The following IKZF3 variants were observed in gnomAD, a reference collection of about 807,000 sequenced individuals.
IKZF3 encodes zinc finger protein Aiolos.
In IKZF3, 10 loss-of-function variants were observed where a neutral mutation model predicts 49.0. That is an observed-to-expected ratio of 0.20 (90% CI 0.13 to 0.35). The LOEUF (loss-of-function observed/expected upper bound fraction) is 0.35. Among genes scored for constraint, IKZF3 ranks in the 10% least tolerant of loss-of-function variants. The pLI, the probability that IKZF3 is intolerant of heterozygous loss-of-function variation, is 1.00. For synonymous variants in IKZF3, 209 were observed against 228.2 expected, an observed-to-expected ratio of 0.92 and a Z score of 0.76; for missense variants, 498 against 664.8, an observed-to-expected ratio of 0.75 and a Z score of 2.76.
At chr17:39,839,854 C>T (rs2062414057) in intron 1 of IKZF3, among the ~76,000 whole-genome samples, 1 of 152,128 alleles carries the variant, frequency 6.6e-6, no homozygotes, top group Admixed American at 6.5e-5. Flanking sequence ...GAGTGGGGGT[C>T]TCGCCATGTT....
intron 3 of IKZF3, among the ~76,000 whole-genome samples, chr17:39,825,041 C>T (rs1456441788): frequency 6.6e-6 from 1 of 152,158 alleles, no homozygotes; most frequent in Non-Finnish European, 1.5e-5. Context: ...TGCTGGCACT[C>T]GTTCTCTCCT....
intron 3 of IKZF3, among the ~76,000 whole-genome samples, chr17:39,813,930 T>C (rs1171171981): frequency 1.3e-5 from 2 of 152,244 alleles, no homozygotes; most frequent in African/African-American, 4.8e-5. Flanking sequence ...AGCGAGTGCC[T>C]AAGCGAGGCT....
At chr17:39,839,699 T>A (rs2062408768) in intron 1 of IKZF3, among the ~76,000 whole-genome samples, 1 of 152,092 alleles carries the variant, frequency 6.6e-6, no homozygotes, top group Non-Finnish European at 1.5e-5. Flanking sequence ...TTCTGCCTCC[T>A]GAGTAGCCGG....
At chr17:39,835,064 G>T (rs755979946) in intron 1 of IKZF3, 2 of 420,992 alleles carry the variant, frequency 4.8e-6, no homozygotes, top group Non-Finnish European at 9.2e-6. Context: ...AGCCAAAGGA[G>T]CTGGAGCCCC....
chr17:39,839,152 C>CTT (rs199888566), intron 1 of IKZF3, among the ~76,000 whole-genome samples: 1 of 145,920 alleles, frequency 6.9e-6, no homozygotes, highest in Non-Finnish European at 1.5e-5. Context: ...AATTTTTCTT[C>CTT]TTTTTTTTTT....
In IKZF3 at chr17:39,824,310, T is replaced by C. The variant is rs1357502870; in HGVS notation, c.163+5077A>G. Among the ~76,000 whole-genome samples the C allele has an allele frequency of 2.0e-5, 3 of 152,240 alleles. No individual in the cohort carries two copies. In the East Asian group the frequency reaches 5.8e-4, roughly 29 times the overall value. Reference sequence around the variant, plus strand: ...AATGGGTATATTTACCCAGTGCCTGTACCTCCATTGTATCTGGGAAGTAAC... The same window carrying C: ...AATGGGTATATTTACCCAGTGCCTGCACCTCCATTGTATCTGGGAAGTAAC... On this transcript the variant is annotated intron_variant, in intron 3 of 7. Transcript: ENST00000346872.
chr17:39,795,210 A>C (rs958020587), intron 3 of IKZF3, among the ~76,000 whole-genome samples: 5 of 152,174 alleles, frequency 3.3e-5, no homozygotes, highest in African/African-American at 1.2e-4. Flanking sequence ...TCTTAGCTTT[A>C]GTCCTTTAGG....
chr17:39,811,397 CGGAAGGAAGAAAGGAA>C (rs2061557063), intron 3 of IKZF3, among the ~76,000 whole-genome samples: 1 of 112,312 alleles, frequency 8.9e-6, no homozygotes, highest in African/African-American at 3.6e-5. Flanking sequence ...GAAGAAAGGA[CGGAAGGAAGAAAGGAA>C]GGAAGAAAAG....
At chr17:39,861,529 GC>G (rs1344915583) in intron 1 of IKZF3, among the ~76,000 whole-genome samples, 1 of 152,116 alleles carries the variant, frequency 6.6e-6, no homozygotes, top group African/African-American at 2.4e-5. Flanking sequence ...GGACGCCACG[GC>G]CTTTCTGTGG....
chr17:39,837,430 G>A (rs1160306871), intron 1 of IKZF3, among the ~76,000 whole-genome samples: 1 of 149,108 alleles, frequency 6.7e-6, no homozygotes, highest in Non-Finnish European at 1.5e-5. Context: ...AGTTTACAGG[G>A]TTTTTTTCTT....
chr17:39,834,027 T>C (rs1386893618), intron 1 of IKZF3, among the ~76,000 whole-genome samples: 1 of 152,218 alleles, frequency 6.6e-6, no homozygotes, highest in African/African-American at 2.4e-5. Context: ...GTTGGGACAG[T>C]TTCTCAGACT....
chr17:39,851,813 AAATCCATTG>A (rs2062884170), intron 1 of IKZF3, among the ~76,000 whole-genome samples: 1 of 152,202 alleles, frequency 6.6e-6, no homozygotes, highest in South Asian at 2.1e-4. Context: ...AATTTAAAGA[AAATCCATTG>A]AATACTCACA....
intron 3 of IKZF3, among the ~76,000 whole-genome samples, chr17:39,799,930 T>C (rs1313516791): frequency 6.6e-6 from 1 of 152,250 alleles, no homozygotes; most frequent in East Asian, 1.9e-4. Context: ...TCCGCTTTTA[T>C]GTAGTTGATG....
At chr17:39,818,260 G>A (rs2061722230) in intron 3 of IKZF3, among the ~76,000 whole-genome samples, 1 of 152,188 alleles carries the variant, frequency 6.6e-6, no homozygotes, top group African/African-American at 2.4e-5. Flanking sequence ...TGTGGTATAT[G>A]ACTGAATACT....
At position 39,835,763 on chromosome 17, in the gene IKZF3, A is replaced by G. The variant is rs1598157990; in HGVS notation, c.8-3612T>C. 8 of 513,734 alleles carry G rather than the reference A, an allele frequency of 1.6e-5. 1 individual carries two copies. In the East Asian group the frequency reaches 3.9e-4, roughly 25 times the overall value. 31.8% of individuals were successfully genotyped at this position (513,734 alleles called of 1,614,324 possible). A position where few individuals can be genotyped will look rare whatever the true frequency, so the allele number is the denominator to read the frequency against. ...AGCTGATCTTGTAAGCTTGCCATCC[A>G]GGTAAGACTCCATCCAGCTCCACCC... On this transcript the variant is annotated intron_variant, in intron 1 of 7. Coordinates refer to ENST00000346872, the MANE Select transcript of IKZF3 (RefSeq NM_012481.5).
intron 7 of IKZF3, 131 bp downstream of exon 7, chr17:39,777,520 A>G (rs1365716614): frequency 4.9e-6 from 3 of 608,806 alleles, no homozygotes; most frequent in Non-Finnish European, 8.6e-6. Flanking sequence ...CATGAAGAAT[A>G]AAAGTACACA....
At chr17:39,837,204 G>C (rs2062314426) in intron 1 of IKZF3, among the ~76,000 whole-genome samples, 1 of 151,766 alleles carries the variant, frequency 6.6e-6, no homozygotes, top group Non-Finnish European at 1.5e-5. Flanking sequence ...CAAAGTGTTA[G>C]GATTACAGGT....
At chr17:39,840,568 T>C (rs1003167955) in intron 1 of IKZF3, among the ~76,000 whole-genome samples, 4 of 152,248 alleles carry the variant, frequency 2.6e-5, no homozygotes, top group Non-Finnish European at 5.9e-5. Flanking sequence ...TTTAGAAAAG[T>C]ACTGATTTAA....
intron 3 of IKZF3, among the ~76,000 whole-genome samples, chr17:39,798,833 C>A (rs981062366): frequency 6.6e-6 from 1 of 152,114 alleles, no homozygotes; most frequent in African/African-American, 2.4e-5. Context: ...AAAGGTCAAA[C>A]TAATATGCTG....
Sources: allele counts gnomAD v4.1 joint callset (sites outside exome capture counted in the v4.1 genomes callset), GRCh38; gene constraint gnomAD v4.1.1; transcripts MANE v1.5; gene names NCBI Gene and HGNC (gene_info 2026-07-23, HGNC 2026-07-21).